Variants in GLRA2 observed in about 807,000 individuals in gnomAD.
The protein encoded by GLRA2 is glycine receptor subunit alpha-2.
GLRA2 carries 11 observed loss-of-function variants against 31.6 expected under a neutral mutation model. The observed-to-expected ratio is 0.35, with a 90% CI of 0.22 to 0.58. The LOEUF (loss-of-function observed/expected upper bound fraction) is 0.58. GLRA2 is among the 20% of genes least tolerant of loss of function. The pLI is 0.84. For synonymous variants in GLRA2, 132 were observed against 134.0 expected, an observed-to-expected ratio of 0.99 and a Z score of 0.10; for missense variants, 212 against 351.8, an observed-to-expected ratio of 0.60 and a Z score of 3.18.
intron 7 of GLRA2, among the ~76,000 whole-genome samples, chrX:14,611,904 A>G (rs1461164031): frequency 8.9e-6 from 1 of 112,165 alleles, no homozygotes; most frequent in African/African-American, 3.2e-5. Context: ...ATTAACAGTA[A>G]TGGCAAATAT....
chrX:14,570,864 G>A (rs1384452715), intron 2 of GLRA2, among the ~76,000 whole-genome samples: 1 of 111,631 alleles, frequency 9.0e-6, no homozygotes, highest in African/African-American at 3.3e-5. Flanking sequence ...AATATGGGAT[G>A]GGGATTGTCA....
At chrX:14,607,764 A>C (rs2090351549) in intron 6 of GLRA2, among the ~76,000 whole-genome samples, 1 of 111,209 alleles carries the variant, frequency 9.0e-6, no homozygotes, top group African/African-American at 3.3e-5. Context: ...TAGCAATAGA[A>C]GTTTGGATGA....
At chrX:14,495,077 CTT>C in the GLRA2 span, among the ~76,000 whole-genome samples, 4 of 111,636 alleles carry the variant, frequency 3.6e-5, no homozygotes, top group Admixed American at 9.5e-5. Context: ...GAATGAATGT[CTT>C]TCAGAGTCCT....
intron 2 of GLRA2, among the ~76,000 whole-genome samples, chrX:14,533,966 C>A (rs754369787): frequency 9.0e-6 from 1 of 111,429 alleles, no homozygotes; most frequent in South Asian, 3.7e-4. Flanking sequence ...CAAGCATCTT[C>A]TTTCATAGCT....
chrX:14,452,782 G>A, the GLRA2 span, among the ~76,000 whole-genome samples: 1 of 111,941 alleles, frequency 8.9e-6, no homozygotes, highest in Admixed American at 9.5e-5. Flanking sequence ...ACAGTGGCTG[G>A]AATTTTAGTT....
the GLRA2 span, among the ~76,000 whole-genome samples, chrX:14,501,143 C>G: frequency 9.1e-6 from 1 of 110,417 alleles, no homozygotes; most frequent in Non-Finnish European, 1.9e-5. Flanking sequence ...GAATCTCCCT[C>G]TCAGCATTTG....
At chrX:14,563,935 G>A (rs188321573) in intron 2 of GLRA2, among the ~76,000 whole-genome samples, 48 of 111,246 alleles carry the variant, frequency 4.3e-4, no homozygotes, top group African/African-American at 1.2e-3. Context: ...AAAAGAATAA[G>A]TGAAAGTAAA....
At chrX:14,527,386 G>T (rs779839339), upstream of GLRA2, among the ~76,000 whole-genome samples, 1 of 111,889 alleles carries the variant, frequency 8.9e-6, no homozygotes, top group African/African-American at 3.2e-5. Flanking sequence ...GGAGGCTGAG[G>T]TGGGCGAATC....
chrX:14,692,513 C>A (rs1161869823), intron 8 of GLRA2, among the ~76,000 whole-genome samples: 1 of 112,031 alleles, frequency 8.9e-6, no homozygotes, highest in Non-Finnish European at 1.9e-5. Flanking sequence ...TAATACTGCT[C>A]AGGTTTCCCA....
At chrX:14,568,196 C>A (rs187561657) in intron 2 of GLRA2, among the ~76,000 whole-genome samples, 1 of 111,802 alleles carries the variant, frequency 8.9e-6, no homozygotes, top group Non-Finnish European at 1.9e-5. Flanking sequence ...AAGAACAAAG[C>A]GGAAGGACTC....
At chrX:14,567,836 A>G (rs2089826840) in intron 2 of GLRA2, among the ~76,000 whole-genome samples, 1 of 112,474 alleles carries the variant, frequency 8.9e-6, no homozygotes, top group Non-Finnish European at 1.9e-5. Context: ...GCAATAAACA[A>G]TTTGACAAGA....
chrX:14,495,717 TCCTC>T, the GLRA2 span, among the ~76,000 whole-genome samples: 2 of 109,446 alleles, frequency 1.8e-5, no homozygotes, highest in Admixed American at 9.8e-5. Context: ...CCTTATTTAA[TCCTC>T]CCAACAACCT....
At chrX:14,664,725 T>C (rs1230047179) in intron 7 of GLRA2, among the ~76,000 whole-genome samples, 13 of 112,457 alleles carry the variant, frequency 1.2e-4, no homozygotes, top group East Asian at 2.8e-4. Context: ...TGTTAGCACA[T>C]AGAATGACCT....
chrX:14,618,195 A>C (rs1389586534), intron 7 of GLRA2, among the ~76,000 whole-genome samples: 3 of 112,111 alleles, frequency 2.7e-5, no homozygotes, highest in Non-Finnish European at 5.6e-5. Flanking sequence ...CCATAAGAAG[A>C]AGCCTCAATT....
At chrX:14,557,724 G>T (rs1345810128) in intron 2 of GLRA2, among the ~76,000 whole-genome samples, 4 of 111,576 alleles carry the variant, frequency 3.6e-5, no homozygotes, top group Non-Finnish European at 7.5e-5. Context: ...ACAACAGGGG[G>T]TGTGGGAGAA....
intron 7 of GLRA2, among the ~76,000 whole-genome samples, chrX:14,657,821 T>C (rs2090954908): frequency 8.9e-6 from 1 of 112,168 alleles, no homozygotes; most frequent in African/African-American, 3.2e-5. Context: ...AATGTAACCA[T>C]AATGGGTCTC....
intron 3 of GLRA2, among the ~76,000 whole-genome samples, chrX:14,579,494 T>C (rs986421846): frequency 3.6e-5 from 4 of 111,309 alleles, no homozygotes; most frequent in African/African-American, 1.3e-4. Context: ...CACACCTGGC[T>C]AATTTTTGTA....
intron 3 of GLRA2, among the ~76,000 whole-genome samples, chrX:14,576,538 T>C (rs774226768): frequency 1.5e-3 from 167 of 111,994 alleles, no homozygotes; most frequent in African/African-American, 5.2e-3. Context: ...CTAATGCTGA[T>C]TGCATTAATT....
chrX:14,701,956 G>C (rs2091548062), intron 8 of GLRA2, among the ~76,000 whole-genome samples: 2 of 112,055 alleles, frequency 1.8e-5, no homozygotes, highest in South Asian at 3.7e-4. Context: ...CTGTGGGAAA[G>C]GTTTAAGTGC....
Sources: allele counts gnomAD v4.1 joint callset (sites outside exome capture counted in the v4.1 genomes callset), GRCh38; gene constraint gnomAD v4.1.1; transcripts MANE v1.5; gene names NCBI Gene and HGNC (gene_info 2026-07-23, HGNC 2026-07-21).